TRPM7: variants seen among roughly 807,000 people sequenced by gnomAD.
TRPM7 encodes the protein transient receptor potential cation channel subfamily M member 7, also known as LTRPC ion channel family member 7.
TRPM7 carries 134 observed loss-of-function variants against 229.7 expected under a neutral mutation model. That is an observed-to-expected ratio of 0.58 (90% CI 0.51 to 0.67). The LOEUF is 0.67. TRPM7 is among the 30% of genes least tolerant of loss of function. TRPM7 has a pLI of 0.00. For missense variants in TRPM7, 1,901 were observed against 2,210.0 expected, an observed-to-expected ratio of 0.86 and a Z score of 2.80; for synonymous variants, 699 against 715.2, an observed-to-expected ratio of 0.98 and a Z score of 0.36.
At chr15:50,565,396 G>C (rs1387233036) in intron 38 of TRPM7, among the ~76,000 whole-genome samples, 1 of 152,062 alleles carries the variant, frequency 6.6e-6, no homozygotes, top group Non-Finnish European at 1.5e-5. Context: ...TTGAAAAAAA[G>C]ACTGGCAAAA....
chr15:50,658,641 A>AT (rs1456991048), intron 2 of TRPM7, among the ~76,000 whole-genome samples: 4 of 152,124 alleles, frequency 2.6e-5, no homozygotes, highest in Non-Finnish European at 5.9e-5. Context: ...GTGAGAGTAT[A>AT]TATTTATATA....
chr15:50,680,897 C>T (rs1454736254), intron 1 of TRPM7, among the ~76,000 whole-genome samples: 1 of 152,116 alleles, frequency 6.6e-6, no homozygotes, highest in Non-Finnish European at 1.5e-5. Context: ...TGATTCTCTG[C>T]TCTTTATATA....
At chr15:50,626,555 T>C (rs889712796) in intron 11 of TRPM7, among the ~76,000 whole-genome samples, 9 of 152,096 alleles carry the variant, frequency 5.9e-5, no homozygotes, top group African/African-American at 2.2e-4. Flanking sequence ...CAAAATCAAA[T>C]AGGTAACACT....
At chr15:50,619,601 T>G in intron 13 of TRPM7, 144 bp downstream of exon 13, 1 of 663,138 alleles carries the variant, frequency 1.5e-6, no homozygotes, top group South Asian at 2.4e-5. Flanking sequence ...TACCACAAAT[T>G]CAGCCCATAT....
chr15:50,664,499 G>A (rs112270387), intron 1 of TRPM7, among the ~76,000 whole-genome samples: 1 of 152,060 alleles, frequency 6.6e-6, no homozygotes, highest in Admixed American at 6.6e-5. Flanking sequence ...AATAGGGATA[G>A]AGAAGGTTAT....
At position 50,569,829 on chromosome 15, in the gene TRPM7, T is replaced by C. The variant is rs141059486; in HGVS notation, c.5467+58A>G. The stretch of plus-strand genomic sequence containing the variant: ...TTTGTACCTCTGGCCTTATGAGGTA[T>C]TGTAGTAACCAAGTTTCGTAACAAT... On this transcript the variant is annotated intron_variant, in intron 38 of 38. Coordinates refer to ENST00000646667, the MANE Select transcript of TRPM7 (RefSeq NM_017672.6). 721 of 1,123,642 alleles carry C rather than the reference T, an allele frequency of 6.4e-4. 3 individuals are homozygous for C. In the African/African-American group the frequency reaches 9.9e-3, roughly 16 times the overall value. The allele number at this position is 1,123,642 out of a possible 1,614,324, so 69.6% of individuals were successfully genotyped here.
At chr15:50,583,049 T>C (rs2054499023) in intron 29 of TRPM7, 40 bp downstream of exon 29, 1 of 1,371,934 alleles carries the variant, frequency 7.3e-7, no homozygotes, top group South Asian at 1.5e-5. Context: ...AAGTTTAATG[T>C]ATTTAATAAT....
In TRPM7 at chr15:50,593,638, C is replaced by CT; in HGVS notation, c.3586dup (p.Arg1196LysfsTer7). On this transcript the variant is annotated frameshift_variant, in exon 25 of 39. Coordinates refer to ENST00000646667, the MANE Select transcript of TRPM7 (RefSeq NM_017672.6). LOFTEE classifies it high-confidence loss of function. ...GAACCTTTCAAAAGTGACACGAATT[C>CT]TCTCTTCACTCCCAGAATGAAATTT... 1 of 1,611,640 alleles carries CT rather than the reference C, an allele frequency of 6.2e-7. No homozygotes were observed. Among genetic ancestry groups the CT allele is most frequent in the Non-Finnish European group, 8.5e-7 (1 of 1,179,318 alleles).
intron 4 of TRPM7, among the ~76,000 whole-genome samples, chr15:50,647,459 A>G (rs1714640251): frequency 6.6e-6 from 1 of 152,112 alleles, no homozygotes; most frequent in African/African-American, 2.4e-5. Context: ...AAGAACAGAA[A>G]AACAGGCCGG....
chr15:50,630,784 G>A (rs906756288), intron 10 of TRPM7, among the ~76,000 whole-genome samples: 3 of 152,054 alleles, frequency 2.0e-5, no homozygotes, highest in African/African-American at 4.8e-5. Flanking sequence ...CAATCCTCCC[G>A]CCTCAGCCTC....
At chr15:50,591,849 T>C in intron 26 of TRPM7, 62 bp downstream of exon 26, 1 of 1,206,734 alleles carries the variant, frequency 8.3e-7, no homozygotes, top group Admixed American at 2.4e-5. Flanking sequence ...TACATATTTC[T>C]ATTATTTCTA....
At chr15:50,571,375 T>A (rs2053876874) in intron 36 of TRPM7, among the ~76,000 whole-genome samples, 1 of 152,174 alleles carries the variant, frequency 6.6e-6, no homozygotes, top group South Asian at 2.1e-4. Context: ...GGAACTTACT[T>A]TAAGGAAATA....
Position 50,662,991 on chromosome 15 carries a change from A to G in TRPM7, c.59T>C (p.Ile20Thr), listed in dbSNP as rs2061772377. 3.1e-6 allele frequency: 5 copies of G among 1,613,580 alleles called. No individual in the cohort carries two copies. Among genetic ancestry groups the G allele is most frequent in the Non-Finnish European group, 4.2e-6 (5 of 1,179,704 alleles). Residue 20 changes from isoleucine (I) to threonine (T), a missense_variant, in exon 2 of 39, where the codon ATA becomes ACA. This residue lies in a region of TRPM7 where 794 missense variants were observed against 881.9 expected (regional missense o/e 0.90). Coordinates refer to ENST00000646667, the MANE Select transcript of TRPM7 (RefSeq NM_017672.6). ...CCTGTGAGGGTCCTTGGAACTTGGT[A>G]TAATATATACACATTCCCTCTTGGT... The part of the protein sequence containing the change: ...TLTKRECVYI[I>T]PSSKDPHRCL...
At chr15:50,617,897 G>A (rs909063004) in intron 13 of TRPM7, among the ~76,000 whole-genome samples, 6 of 151,938 alleles carry the variant, frequency 3.9e-5, no homozygotes, top group South Asian at 2.1e-4. Context: ...TCTCTCTGGC[G>A]ATCCACTCAC....
chr15:50,592,416 G>C lies in TRPM7; in HGVS notation c.3819C>G (p.His1273Gln), dbSNP rs376911047. The C allele has an allele frequency of 6.2e-7, 1 of 1,614,186 alleles. No homozygotes were observed. The highest frequency in any genetic ancestry group is 8.5e-7 in the Non-Finnish European group (1 of 1,180,030). ...EITRELSISKHLAQNLIDDGP... is the reference protein window; with the variant it reads ...EITRELSISKQLAQNLIDDGP... ...CATCATCAATAAGGTTTTGAGCCAA[G>C]TGTTTGGAAATGCTCAGTTCTCGTG... is the stretch of plus-strand genomic sequence containing the variant. The change falls in exon 26 of 39, where the codon CAC becomes CAG. Residue 1273 changes from histidine (H) to glutamine (Q), a missense_variant. By Grantham distance (24) the His-to-Gln change is conservative. Transcript: ENST00000646667.
intron 3 of TRPM7, among the ~76,000 whole-genome samples, chr15:50,655,192 T>C (rs1214266899): frequency 6.6e-6 from 1 of 151,186 alleles, no homozygotes; most frequent in Non-Finnish European, 1.5e-5. Context: ...TCCCAGCACT[T>C]TGGGTGGCCA....
At chr15:50,662,864 T>A (rs1231384251) in intron 2 of TRPM7, 103 bp downstream of exon 2, 48 of 841,176 alleles carry the variant, frequency 5.7e-5, no homozygotes, top group Non-Finnish European at 7.7e-6. Flanking sequence ...TAACAGTAAG[T>A]ACAAATAATT....
chr15:50,575,431 T>C (rs1036539243), intron 33 of TRPM7, among the ~76,000 whole-genome samples: 1 of 152,218 alleles, frequency 6.6e-6, no homozygotes, highest in Admixed American at 6.5e-5. Flanking sequence ...GTTAGAGCTG[T>C]TTCATGGACA....
chr15:50,611,356 T>A, intron 16 of TRPM7, 35 bp from the exon 17 acceptor site: 1 of 1,527,084 alleles, frequency 6.5e-7, no homozygotes, highest in Non-Finnish European at 9.0e-7. Flanking sequence ...ATACTCAGAT[T>A]AACAAACTGC....
Sources: allele counts gnomAD v4.1 joint callset (sites outside exome capture counted in the v4.1 genomes callset), GRCh38; gene constraint gnomAD v4.1.1; regional missense constraint gnomAD v4.1.1; transcripts MANE v1.5; gene names NCBI Gene and HGNC (gene_info 2026-07-23, HGNC 2026-07-21).